HS6ST1: variants seen among roughly 807,000 people sequenced by gnomAD.
HS6ST1 encodes the protein heparan-sulfate 6-O-sulfotransferase 1.
Under a neutral mutation model 25.2 loss-of-function variants are expected in HS6ST1, and 3 were observed. The observed-to-expected ratio is 0.12, with a 90% CI of 0.05 to 0.31. The LOEUF (loss-of-function observed/expected upper bound fraction) is 0.31. Among genes scored for constraint, HS6ST1 ranks in the 10% least tolerant of loss-of-function variants. HS6ST1 has a pLI of 1.00. For missense variants in HS6ST1, 310 were observed against 609.6 expected, an observed-to-expected ratio of 0.51 and a Z score of 5.18; for synonymous variants, 204 against 275.1, an observed-to-expected ratio of 0.74 and a Z score of 2.56.
At chr2:128,316,690 AGTGT>A (rs754486574) in intron 1 of HS6ST1, among the ~76,000 whole-genome samples, 4 of 147,702 alleles carry the variant, frequency 2.7e-5, no homozygotes, top group South Asian at 4.4e-4. Context: ...TGGGAGCTGC[AGTGT>A]GTGTGTGTGT....
At chr2:128,270,537 G>T (rs1043187486) in intron 1 of HS6ST1, among the ~76,000 whole-genome samples, 4 of 152,202 alleles carry the variant, frequency 2.6e-5, no homozygotes, top group African/African-American at 9.7e-5. Context: ...TGAGACAAAC[G>T]TTTTAGAAAC....
chr2:128,312,199 G>C (rs975871316), intron 1 of HS6ST1, among the ~76,000 whole-genome samples: 1 of 152,208 alleles, frequency 6.6e-6, no homozygotes, highest in Admixed American at 6.5e-5. Flanking sequence ...CGCATGCAGG[G>C]GTTGCTGGGA....
chr2:128,272,852 A>G (rs1693631190), intron 1 of HS6ST1, among the ~76,000 whole-genome samples: 1 of 152,126 alleles, frequency 6.6e-6, no homozygotes, highest in African/African-American at 2.4e-5. Flanking sequence ...AGAGGACTGG[A>G]GGGGAAGCTT....
At chr2:128,302,900 C>CCACAGGCCCAAG (rs1694154888) in intron 1 of HS6ST1, among the ~76,000 whole-genome samples, 1 of 152,228 alleles carries the variant, frequency 6.6e-6, no homozygotes, top group Non-Finnish European at 1.5e-5. Flanking sequence ...CTCTCAGCTG[C>CCACAGGCCCAAG]TCCAGCCTCT....
chr2:128,312,941 T>C (rs913064511), intron 1 of HS6ST1, among the ~76,000 whole-genome samples: 4 of 152,078 alleles, frequency 2.6e-5, no homozygotes, highest in Admixed American at 1.3e-4. Flanking sequence ...CGGGCACCTG[T>C]AATCCCAGCT....
intron 1 of HS6ST1, among the ~76,000 whole-genome samples, chr2:128,296,429 T>G (rs1204651865): frequency 6.6e-6 from 1 of 152,234 alleles, no homozygotes; most frequent in Non-Finnish European, 1.5e-5. Flanking sequence ...TTATCTCTCT[T>G]CTCAGATGAC....
intron 1 of HS6ST1, among the ~76,000 whole-genome samples, chr2:128,284,890 C>T (rs933766686): frequency 5.3e-5 from 8 of 152,178 alleles, no homozygotes; most frequent in African/African-American, 1.7e-4. Flanking sequence ...CAGACCCCCA[C>T]CCCCCACCTG....
intron 1 of HS6ST1, among the ~76,000 whole-genome samples, chr2:128,315,843 C>T (rs1414173651): frequency 6.6e-6 from 1 of 152,220 alleles, no homozygotes; most frequent in Non-Finnish European, 1.5e-5. Flanking sequence ...AAGCAATCTA[C>T]CTAGTGCCTG....
chr2:128,311,521 G>A (rs188772353), intron 1 of HS6ST1, among the ~76,000 whole-genome samples: 3 of 152,278 alleles, frequency 2.0e-5, no homozygotes, highest in East Asian at 1.9e-4. Context: ...CCCACCACAC[G>A]CTACCACCAA....
chr2:128,306,087 T>TCAGTTTAC (rs1446027319), intron 1 of HS6ST1, among the ~76,000 whole-genome samples: 1 of 152,172 alleles, frequency 6.6e-6, no homozygotes, highest in Non-Finnish European at 1.5e-5. Flanking sequence ...TCTTTGAGTC[T>TCAGTTTAC]CAGTTTACTC....
At chr2:128,286,609 G>A (rs1693866023) in intron 1 of HS6ST1, among the ~76,000 whole-genome samples, 1 of 152,050 alleles carries the variant, frequency 6.6e-6, no homozygotes, top group South Asian at 2.1e-4. Flanking sequence ...TTCAAGGACA[G>A]GACACTGCTA....
At chr2:128,295,903 G>A (rs548684536) in intron 1 of HS6ST1, among the ~76,000 whole-genome samples, 1 of 152,350 alleles carries the variant, frequency 6.6e-6, no homozygotes, top group South Asian at 2.1e-4. Flanking sequence ...CTGAATGTGT[G>A]TGTTCCACCA....
At chr2:128,270,162 G>A (rs1693590488) in intron 1 of HS6ST1, among the ~76,000 whole-genome samples, 4 of 152,346 alleles carry the variant, frequency 2.6e-5, no homozygotes, top group Middle Eastern at 3.4e-3. Flanking sequence ...GCAGACTGCC[G>A]AGGAAGGGAC....
In HS6ST1 at chr2:128,280,809, G is replaced by T. The variant is rs1196296691; in HGVS notation, c.528-11939C>A. ...GGCACAGGGGGCAGTCCTCACCCAT[G>T]TGCTTCCTGGGAAGGCTGTGCTGCC... is the stretch of plus-strand genomic sequence containing the variant. On this transcript the variant is annotated intron_variant, in intron 1 of 1. Transcript: ENST00000259241. Among the ~76,000 whole-genome samples the T allele has an allele frequency of 3.3e-5, 5 of 152,278 alleles. No homozygotes were observed. The South Asian group carries it at 1.0e-3, about 32-fold the overall frequency.
chr2:128,317,918 G>A (rs1694398572), intron 1 of HS6ST1, 119 bp downstream of exon 1: 10 of 1,225,348 alleles, frequency 8.2e-6, no homozygotes, highest in Admixed American at 4.2e-5. Flanking sequence ...GGCGAGTGGG[G>A]GCCCCCAAGA....
Position 128,318,751 on chromosome 2 carries a change from C to G in HS6ST1, c.-188G>C, listed in dbSNP as rs1372664663. Among the ~76,000 whole-genome samples, 1 of 146,790 alleles carries G rather than the reference C, an allele frequency of 6.8e-6. No homozygotes were observed. Among genetic ancestry groups the G allele is most frequent in the Non-Finnish European group, 1.5e-5 (1 of 65,972 alleles). On this transcript the variant is annotated 5_prime_UTR_variant, in exon 1 of 2. Transcript: ENST00000259241. This position sits in a 1 kb window ranked among gnomAD's most constrained non-coding sequence, Gnocchi z 5.7. ...CTGCTCCCCGCCCGGCCCCGGCTCC[C>G]CGGGCCCGACGCCCGACTCCGCTCC...
chr2:128,318,835 C>G lies in HS6ST1; in HGVS notation c.-272G>C, dbSNP rs1427003322. ...GCGCTCTCCGCGCCCCCAGCACCAGCCCGCTCCGCTCCACTCCGCGCCGAG... is the reference window on the plus strand; with the variant it reads ...GCGCTCTCCGCGCCCCCAGCACCAGGCCGCTCCGCTCCACTCCGCGCCGAG... On this transcript the variant is annotated 5_prime_UTR_variant, in exon 1 of 2. Coordinates refer to ENST00000259241, the MANE Select transcript of HS6ST1 (RefSeq NM_004807.3). This position sits in a 1 kb window ranked among gnomAD's most constrained non-coding sequence, Gnocchi z 5.7. Among the ~76,000 whole-genome samples, 3 of 147,896 alleles carry G rather than the reference C, an allele frequency of 2.0e-5. No individual in the cohort carries two copies. Among genetic ancestry groups the G allele is most frequent in the East Asian group, 1.9e-4 (1 of 5,138 alleles).
intron 1 of HS6ST1, among the ~76,000 whole-genome samples, chr2:128,276,926 G>T (rs913276295): frequency 6.6e-6 from 1 of 152,176 alleles, no homozygotes; most frequent in African/African-American, 2.4e-5. Flanking sequence ...GGGGTGGAGG[G>T]CCCCTGTGGG....
At chr2:128,297,116 C>G (rs1694050463) in intron 1 of HS6ST1, among the ~76,000 whole-genome samples, 1 of 152,122 alleles carries the variant, frequency 6.6e-6, no homozygotes, top group African/African-American at 2.4e-5. Context: ...AAGTTGGACT[C>G]CCATTTCCTG....
Sources: gnomAD v4.1 joint callset for allele counts (sites outside exome capture counted in the v4.1 genomes callset) on GRCh38, gnomAD v4.1.1 for gene constraint, Gnocchi (gnomAD v3.1) non-coding constraint, MANE v1.5 for transcripts, NCBI Gene and HGNC (gene_info 2026-07-23, HGNC 2026-07-21) for gene names.